The following TENM3 variants were observed in gnomAD, a reference collection of about 807,000 sequenced individuals.
The protein encoded by TENM3 is teneurin transmembrane protein 3.
In TENM3, 63 loss-of-function variants were observed where a neutral mutation model predicts 255.1. The observed-to-expected ratio is 0.25, with a 90% confidence interval of 0.20 to 0.30. TENM3 has a LOEUF of 0.30. Ranked by LOEUF, TENM3 falls within the 10% of genes least tolerant of loss-of-function variation. The pLI, the probability that TENM3 is intolerant of heterozygous loss-of-function variation, is 1.00. For missense variants in TENM3, 2,929 were observed against 3,461.1 expected, an observed-to-expected ratio of 0.85 and a Z score of 3.86; for synonymous variants, 1,306 against 1,322.3, an observed-to-expected ratio of 0.99 and a Z score of 0.27.
At chr4:181,544,882 C>CTG in the TENM3 span, among the ~76,000 whole-genome samples, 2 of 152,174 alleles carry the variant, frequency 1.3e-5, no homozygotes, top group African/African-American at 2.4e-5. Context: ...GGAATTAGAG[C>CTG]TGACAAATGT....
the TENM3 span, among the ~76,000 whole-genome samples, chr4:182,120,910 G>A: frequency 6.6e-6 from 1 of 152,144 alleles, no homozygotes; most frequent in Non-Finnish European, 1.5e-5. Context: ...GATATTATAG[G>A]ACCATGGCTT....
chr4:181,965,857 T>C, the TENM3 span, among the ~76,000 whole-genome samples: 357 of 152,298 alleles, frequency 2.3e-3, 2 homozygotes, highest in African/African-American at 8.1e-3. Flanking sequence ...GTGTTCTCTC[T>C]CACATCCCAT....
In TENM3 at chr4:182,773,485, G is replaced by T. The variant is rs1343041135; in HGVS notation, c.4906G>T (p.Gly1636Cys). Residue 1636 changes from glycine to cysteine, a missense_variant, in exon 23 of 28, where the codon GGT becomes TGT. Coordinates refer to ENST00000511685, the MANE Select transcript of TENM3 (RefSeq NM_001080477.4). Reference protein sequence around the residue: ...WTTFFDYDSEGRLTNVTFPTG... With the variant: ...WTTFFDYDSECRLTNVTFPTG... ...TCTTGTATTTAGCTATGACAGTGAA[G>T]GTCGTCTGACAAATGTTACGTTTCC... The T allele has an allele frequency of 1.2e-6, 2 of 1,611,764 alleles. No homozygotes were observed. Among genetic ancestry groups the T allele is most frequent in the Admixed American group, 1.7e-5 (1 of 59,662 alleles).
At chr4:182,332,544 A>C (rs1223242082) in intron 2 of TENM3, among the ~76,000 whole-genome samples, 1 of 151,800 alleles carries the variant, frequency 6.6e-6, no homozygotes, top group Non-Finnish European at 1.5e-5. Flanking sequence ...AAATTCAAAA[A>C]CTAGCTGGGC....
the TENM3 span, among the ~76,000 whole-genome samples, chr4:181,953,245 A>C: frequency 6.9e-6 from 1 of 145,212 alleles, no homozygotes; most frequent in South Asian, 2.3e-4. Context: ...GATTTGGATA[A>C]TGATGATGGC....
At chr4:182,715,388 C>T (rs1015805039) in intron 13 of TENM3, among the ~76,000 whole-genome samples, 1 of 152,178 alleles carries the variant, frequency 6.6e-6, no homozygotes, top group Admixed American at 6.5e-5. Flanking sequence ...GCAGACACAT[C>T]TTCACTGAAC....
In TENM3 at chr4:182,793,583, C is replaced by T. The variant is rs748335217; in HGVS notation, c.6911C>T (p.Ala2304Val). 1 of 1,613,916 alleles carries T rather than the reference C, an allele frequency of 6.2e-7. No homozygotes were observed. The highest frequency in any genetic ancestry group is 2.2e-5 in the East Asian group (1 of 44,876). ...TCGGATAACACAGGGACACCACTGG[C>T]TGTGTTCAGTAGCAATGGGCTTATG... is the stretch of plus-strand genomic sequence containing the variant. ...IASDNTGTPLAVFSSNGLMLK... is the reference protein window; with the variant it reads ...IASDNTGTPLVVFSSNGLMLK... Residue 2304 changes from alanine (A) to valine (V), a missense_variant, in exon 26 of 28, where the codon GCT becomes GTT. By Grantham distance (64) the Ala-to-Val change is moderately conservative. This residue lies in a region of TENM3 where 256 missense variants were observed against 389.3 expected (regional missense o/e 0.66). Transcript: ENST00000511685. This position sits in a 1 kb window ranked among gnomAD's most constrained non-coding sequence, Gnocchi z 5.7.
At chr4:181,689,401 G>T in the TENM3 span, among the ~76,000 whole-genome samples, 2 of 152,166 alleles carry the variant, frequency 1.3e-5, no homozygotes, top group African/African-American at 2.4e-5. Context: ...ACTCGGCAAA[G>T]CCACACCTGT....
At chr4:181,486,365 A>G in the TENM3 span, among the ~76,000 whole-genome samples, 3 of 152,170 alleles carry the variant, frequency 2.0e-5, no homozygotes, top group Non-Finnish European at 4.4e-5. Context: ...CCCAGTAAGG[A>G]CTCAAACTGG....
the TENM3 span, among the ~76,000 whole-genome samples, chr4:181,628,691 A>G: frequency 2.6e-5 from 4 of 152,054 alleles, no homozygotes; most frequent in African/African-American, 4.8e-5. Flanking sequence ...CCATTGGTCT[A>G]TATCTCTGTT....
chr4:182,784,501 CTTT>C (rs1260258122), intron 24 of TENM3, among the ~76,000 whole-genome samples: 1 of 151,554 alleles, frequency 6.6e-6, no homozygotes, highest in Non-Finnish European at 1.5e-5. Flanking sequence ...TTACTGCTGT[CTTT>C]TTGTTTGTCT....
At chr4:182,030,692 C>T in the TENM3 span, among the ~76,000 whole-genome samples, 3 of 151,842 alleles carry the variant, frequency 2.0e-5, no homozygotes, top group Non-Finnish European at 4.4e-5. Context: ...AATTTACATT[C>T]CCACTGACAG....
chr4:182,535,317 G>A (rs929837189), intron 3 of TENM3, among the ~76,000 whole-genome samples: 4 of 152,124 alleles, frequency 2.6e-5, no homozygotes, highest in African/African-American at 9.7e-5. Context: ...TGAAATTCTT[G>A]TTGGTATTTC....
chr4:182,241,880 C>T (rs1310129226), upstream of TENM3, among the ~76,000 whole-genome samples: 3 of 152,054 alleles, frequency 2.0e-5, no homozygotes, highest in Non-Finnish European at 2.9e-5. Flanking sequence ...CGCTTCTCCA[C>T]TGAAATGACT....
the TENM3 span, among the ~76,000 whole-genome samples, chr4:181,619,340 A>G: frequency 1.3e-5 from 2 of 152,310 alleles, no homozygotes; most frequent in South Asian, 4.1e-4. Flanking sequence ...TATTTCTCAC[A>G]TATATAAATA....
chr4:181,598,143 A>T, the TENM3 span, among the ~76,000 whole-genome samples: 1 of 152,276 alleles, frequency 6.6e-6, no homozygotes, highest in Non-Finnish European at 1.5e-5. Context: ...TAAGCAATGC[A>T]ATTTCCCTGA....
chr4:181,923,570 A>G, the TENM3 span, among the ~76,000 whole-genome samples: 2 of 152,186 alleles, frequency 1.3e-5, no homozygotes, highest in South Asian at 4.1e-4. Context: ...ATCAAAGCCG[A>G]TTATTAGCCC....
rs147422569 is a variant in TENM3, at chr4:182,153,758, T to C, written c.-76+9004T>C. 6.7e-3 allele frequency among the ~76,000 whole-genome samples: 1,019 copies of C among 152,230 alleles called. 10 individuals are homozygous for C. The highest frequency in any genetic ancestry group is 0.023 in the African/African-American group (959 of 41,550). ...TACTTCAGATGGGAATCTTAACATA[T>C]CAAGTTTGGTAAATTTTATATTGAG... On this transcript the variant is annotated intron_variant, in intron 1 of 2. Coordinates refer to the TENM3 transcript ENST00000512480.
upstream of TENM3, among the ~76,000 whole-genome samples, chr4:182,241,969 T>A (rs1215993948): frequency 4.0e-5 from 6 of 151,772 alleles, no homozygotes; most frequent in African/African-American, 1.5e-4. Flanking sequence ...TTTTCTCCAC[T>A]GTCAGCCACA....
Sources: gnomAD v4.1 joint callset for allele counts (sites outside exome capture counted in the v4.1 genomes callset) on GRCh38, gnomAD v4.1.1 for gene constraint, gnomAD v4.1.1 regional missense constraint, Gnocchi (gnomAD v3.1) non-coding constraint, MANE v1.5 for transcripts, NCBI Gene and HGNC (gene_info 2026-07-23, HGNC 2026-07-21) for gene names.